EIF4G3: variants seen among roughly 807,000 people sequenced by gnomAD.
EIF4G3 encodes the protein eIF-4-gamma 3.
Under a neutral mutation model 186.4 loss-of-function variants are expected in EIF4G3, and 34 were observed. That is an observed-to-expected ratio of 0.18 (90% confidence interval 0.14 to 0.24). The LOEUF (loss-of-function observed/expected upper bound fraction) is 0.24. EIF4G3 is among the 10% of genes least tolerant of loss of function. The pLI is 1.00. For synonymous variants in EIF4G3, 673 were observed against 679.5 expected (o/e 0.99, Z 0.15); for missense variants, 1,536 against 1,948.5 (o/e 0.79, Z 3.99).
At chr1:20,848,331 A>G (rs920192900) in intron 29 of EIF4G3, among the ~76,000 whole-genome samples, 8 of 152,220 alleles carry the variant, frequency 5.3e-5, no homozygotes, top group East Asian at 1.9e-4. Flanking sequence ...AGTAGTTAAT[A>G]TATCTGACAA....
chr1:20,842,395 TTC>T (rs1405477121), intron 29 of EIF4G3, among the ~76,000 whole-genome samples: 8 of 152,310 alleles, frequency 5.3e-5, no homozygotes, highest in African/African-American at 1.9e-4. Flanking sequence ...GAGACAGAGT[TTC>T]ACTCTTGTTG....
intron 14 of EIF4G3, among the ~76,000 whole-genome samples, chr1:20,933,969 G>A (rs1573074870): frequency 6.6e-6 from 1 of 152,268 alleles, no homozygotes; most frequent in South Asian, 2.1e-4. Context: ...CAAAATGTGG[G>A]GATTACAGGC....
intron 18 of EIF4G3, chr1:20,893,093 CTT>C (rs1184859243): frequency 3.9e-3 from 562 of 145,300 alleles, no homozygotes; most frequent in South Asian, 0.01. Context: ...TTTTTCTTTT[CTT>C]TTTTTTTTTT....
At chr1:21,107,912 C>T (rs1286951414) in intron 2 of EIF4G3, among the ~76,000 whole-genome samples, 2 of 152,210 alleles carry the variant, frequency 1.3e-5, no homozygotes, top group Non-Finnish European at 2.9e-5. Context: ...CTTTGGGAGG[C>T]CAAGGCAGGA....
intron 2 of EIF4G3, among the ~76,000 whole-genome samples, chr1:21,144,124 ATGTTT>A (rs2097393863): frequency 6.6e-6 from 1 of 152,172 alleles, no homozygotes; most frequent in Non-Finnish European, 1.5e-5. Flanking sequence ...AAGCAATGTC[ATGTTT>A]TAAGAGAGCT....
chr1:21,162,841 A>G (rs1323281328), intron 2 of EIF4G3, among the ~76,000 whole-genome samples: 1 of 152,214 alleles, frequency 6.6e-6, no homozygotes, highest in African/African-American at 2.4e-5. Context: ...TATCCAAACC[A>G]GGACCATTAC....
chr1:20,853,833 A>G (rs2074083995), intron 26 of EIF4G3, among the ~76,000 whole-genome samples, 156 bp from the exon 27 acceptor site: 1 of 152,212 alleles, frequency 6.6e-6, no homozygotes, highest in Non-Finnish European at 1.5e-5. Context: ...TCTGAGAAGC[A>G]AAGTGTTAGA....
chr1:20,992,958 T>G (rs2081435119), intron 7 of EIF4G3, among the ~76,000 whole-genome samples: 1 of 152,172 alleles, frequency 6.6e-6, no homozygotes, highest in Non-Finnish European at 1.5e-5. Flanking sequence ...TCTAATTACC[T>G]TGGGATTTTC....
chr1:21,098,585 A>G (rs1298800534), intron 2 of EIF4G3, among the ~76,000 whole-genome samples: 3 of 151,428 alleles, frequency 2.0e-5, no homozygotes, highest in African/African-American at 7.3e-5. Flanking sequence ...AGAAGAAGAA[A>G]GAAACTAAAC....
At position 20,879,526 on chromosome 1, in the gene EIF4G3, AGGGCC is replaced by A. The variant is rs1558047592; in HGVS notation, c.2425-11_2425-7del. ...CGAACTTTTCTAAAAAGCTCCTAGA[AGGGCC>A]ACAAAAAAGAAAAAAGCATTAGAGT... On this transcript the variant is annotated splice_polypyrimidine_tract_variant and splice_region_variant and intron_variant, in intron 19 of 36. Coordinates refer to ENST00000602326, the MANE Select transcript of EIF4G3 (RefSeq NM_001391906.1). 7.2e-7 allele frequency: 1 copy of A among 1,394,122 alleles called. No homozygotes were observed. Among genetic ancestry groups the A allele is most frequent in the Admixed American group, 2.8e-5 (1 of 36,052 alleles). The allele number at this position is 1,394,122 out of a possible 1,614,324, so 86.4% of individuals were successfully genotyped here. A position where few individuals can be genotyped will look rare whatever the true frequency, so the allele number is the denominator to read the frequency against.
chr1:21,147,733 G>GA (rs1196154159), intron 2 of EIF4G3, among the ~76,000 whole-genome samples: 1 of 151,908 alleles, frequency 6.6e-6, no homozygotes, highest in African/African-American at 2.4e-5. Flanking sequence ...AAACAAGGGA[G>GA]AAAAAAATAA....
At chr1:20,822,050 G>A (rs945214439) in intron 33 of EIF4G3, among the ~76,000 whole-genome samples, 6 of 151,952 alleles carry the variant, frequency 3.9e-5, no homozygotes, top group African/African-American at 1.5e-4. Context: ...GCTAATTTTT[G>A]TATTTTTAGT....
intron 7 of EIF4G3, among the ~76,000 whole-genome samples, chr1:20,993,045 G>C (rs571054427): frequency 6.6e-6 from 1 of 152,228 alleles, no homozygotes; most frequent in South Asian, 2.1e-4. Context: ...AGTATTTCTT[G>C]TTTTATCTTT....
At chr1:20,873,921 ATGAG>A (rs2079991170) in intron 20 of EIF4G3, among the ~76,000 whole-genome samples, 1 of 152,022 alleles carries the variant, frequency 6.6e-6, no homozygotes, top group African/African-American at 2.4e-5. Context: ...ACTACCACTT[ATGAG>A]TGAGAACATG....
At chr1:20,932,669 T>C (rs1042337042) in intron 14 of EIF4G3, among the ~76,000 whole-genome samples, 4 of 151,998 alleles carry the variant, frequency 2.6e-5, no homozygotes, top group African/African-American at 4.8e-5. Context: ...AGTCAGAACA[T>C]ACATATTTCT....
At chr1:20,953,371 G>A (rs1443980937) in intron 12 of EIF4G3, among the ~76,000 whole-genome samples, 1 of 152,092 alleles carries the variant, frequency 6.6e-6, no homozygotes, top group Non-Finnish European at 1.5e-5. Context: ...GTTTAAGGGA[G>A]GGCAAGATAT....
intron 20 of EIF4G3, among the ~76,000 whole-genome samples, chr1:20,865,846 A>G (rs1206312442): frequency 2.6e-5 from 4 of 152,360 alleles, no homozygotes; most frequent in South Asian, 4.1e-4. Flanking sequence ...CCATGAGAAT[A>G]TACTAGTTCT....
chr1:20,925,108 T>A (rs1339191373), intron 14 of EIF4G3, among the ~76,000 whole-genome samples: 1 of 152,254 alleles, frequency 6.6e-6, no homozygotes, highest in African/African-American at 2.4e-5. Context: ...AGCACATATA[T>A]GTGTGCATTA....
chr1:20,810,547 C>A lies in EIF4G3; in HGVS notation c.4744+191G>T, dbSNP rs533778880. Among the ~76,000 whole-genome samples the A allele has an allele frequency of 6.6e-6, 1 of 152,326 alleles. No individual in the cohort carries two copies. Among genetic ancestry groups the A allele is most frequent in the African/African-American group, 2.4e-5 (1 of 41,586 alleles). ...AAGTGATCTGCCTGCCGTGGCCTCC[C>A]AAAGTGCTGGGATTATAGGCGCAAG... On this transcript the variant is annotated intron_variant, in intron 36 of 36. Transcript: ENST00000602326. This position sits in a 1 kb window ranked among gnomAD's most constrained non-coding sequence, Gnocchi z 4.1.
Sources: allele counts gnomAD v4.1 joint callset (sites outside exome capture counted in the v4.1 genomes callset), GRCh38; gene constraint gnomAD v4.1.1; non-coding constraint Gnocchi (gnomAD v3.1); transcripts MANE v1.5; gene names NCBI Gene and HGNC (gene_info 2026-07-23, HGNC 2026-07-21).